MAGI3: variants seen among roughly 807,000 people sequenced by gnomAD.
MAGI3 encodes membrane associated guanylate kinase, WW and PDZ domain containing 3, also known as membrane-associated guanylate kinase, WW and PDZ domain-containing protein 3.
A neutral mutation model predicts 121.8 loss-of-function variants in MAGI3; 43 were observed. That is an observed-to-expected ratio of 0.35 (90% CI 0.28 to 0.46). MAGI3 has a LOEUF of 0.46. Ranked by LOEUF, MAGI3 falls within the 20% of genes least tolerant of loss-of-function variation. The pLI, the probability that MAGI3 is intolerant of heterozygous loss-of-function variation, is 1.00. For synonymous variants in MAGI3, 553 were observed against 639.3 expected, an observed-to-expected ratio of 0.86 and a Z score of 2.04; for missense variants, 1,547 against 1,797.3, an observed-to-expected ratio of 0.86 and a Z score of 2.52.
intron 1 of MAGI3, among the ~76,000 whole-genome samples, chr1:113,506,971 G>T (rs1028181714): frequency 2.6e-5 from 4 of 152,146 alleles, no homozygotes; most frequent in African/African-American, 9.7e-5. Context: ...ATGGGAGAGA[G>T]ATTCATAGTG....
At chr1:113,678,828 A>G (rs984065974) in intron 19 of MAGI3, among the ~76,000 whole-genome samples, 5 of 152,210 alleles carry the variant, frequency 3.3e-5, no homozygotes, top group African/African-American at 1.2e-4. Flanking sequence ...CGCCTGTGCC[A>G]TGCTGTATCT....
intron 16 of MAGI3, among the ~76,000 whole-genome samples, chr1:113,659,962 AGAATTATGAAGGG>A (rs1653692938): frequency 6.6e-6 from 1 of 152,222 alleles, no homozygotes; most frequent in South Asian, 2.1e-4. Context: ...AGCCAAAAAC[AGAATTATGAAGGG>A]TCAGTCTTTG....
chr1:113,509,797 G>GA (rs766673156), intron 1 of MAGI3, among the ~76,000 whole-genome samples: 3 of 140,112 alleles, frequency 2.1e-5, no homozygotes, highest in Non-Finnish European at 3.1e-5. Flanking sequence ...CTACCTAGGA[G>GA]AAGGAGGTGA....
At chr1:113,560,403 A>AC (rs1427741491) in intron 2 of MAGI3, among the ~76,000 whole-genome samples, 1 of 149,694 alleles carries the variant, frequency 6.7e-6, no homozygotes, top group African/African-American at 2.5e-5. Flanking sequence ...ACAAAAACAA[A>AC]CAAAAAAAAC....
At chr1:113,581,356 A>G (rs941491720) in intron 3 of MAGI3, among the ~76,000 whole-genome samples, 1 of 152,124 alleles carries the variant, frequency 6.6e-6, no homozygotes, top group African/African-American at 2.4e-5. Context: ...TCAGTGCCTA[A>G]AGATAGTGTT....
rs1444545046 is a variant in MAGI3 at position 113,426,671 on chromosome 1, G to A, written c.316+35322G>A. Among the ~76,000 whole-genome samples the A allele has an allele frequency of 2.6e-5, 4 of 152,136 alleles. No homozygotes were observed. The East Asian group carries it at 5.8e-4, about 22-fold the overall frequency. Reference sequence around the variant, plus strand: ...TTGTTTGTCTCTAATAATTTTCTTTGCTCTGAAATCTACTTTAGCAGATGT... The same window carrying A: ...TTGTTTGTCTCTAATAATTTTCTTTACTCTGAAATCTACTTTAGCAGATGT... On this transcript the variant is annotated intron_variant, in intron 1 of 20. Coordinates refer to ENST00000307546, the MANE Select transcript of MAGI3 (RefSeq NM_001142782.2).
At chr1:113,559,532 C>T (rs1465552727) in intron 2 of MAGI3, among the ~76,000 whole-genome samples, 7 of 152,078 alleles carry the variant, frequency 4.6e-5, no homozygotes, top group Non-Finnish European at 1.0e-4. Flanking sequence ...AATATATATG[C>T]TCCCGATACA....
intron 1 of MAGI3, among the ~76,000 whole-genome samples, chr1:113,538,822 A>G (rs17461918): frequency 0.12 from 17,679 of 152,164 alleles, 1,148 homozygotes; most frequent in East Asian, 0.18. Flanking sequence ...AATGATTGCA[A>G]TTTATCCTAG....
rs1647565651 is a variant in MAGI3, at chr1:113,671,778, C to T, written c.2860C>T (p.Pro954Ser). 6.2e-7 allele frequency: 1 copy of T among 1,614,106 alleles called. No individual in the cohort carries two copies. The change falls in exon 17 of 21, where the codon CCA (proline) becomes TCA (serine). Residue 954 changes from proline to serine, a missense_variant. Transcript: ENST00000307546. ...AGGAACAAACTCAGCCAGGCAAAGC[C>T]CAGCCCTGCAGCACAGGCCCATGGG... is the stretch of plus-strand genomic sequence containing the variant. ...PSGTNSARQS[P>S]ALQHRPMGQS... is the part of the protein sequence containing the mutation.
intron 1 of MAGI3, among the ~76,000 whole-genome samples, chr1:113,453,747 A>C (rs1654603046): frequency 6.6e-6 from 1 of 152,216 alleles, no homozygotes; most frequent in African/African-American, 2.4e-5. Context: ...TTTAGGGATA[A>C]TTAGCTATGA....
At chr1:113,581,671 A>G (rs911422096) in intron 3 of MAGI3, among the ~76,000 whole-genome samples, 10 of 152,148 alleles carry the variant, frequency 6.6e-5, no homozygotes, top group African/African-American at 2.4e-4. Context: ...CACCCTGCCC[A>G]TTGCTACCAT....
chr1:113,649,164 A>G (rs993050095), intron 12 of MAGI3, 73 bp from the exon 13 acceptor site: 3 of 1,181,062 alleles, frequency 2.5e-6, no homozygotes, highest in Non-Finnish European at 3.6e-6. Flanking sequence ...ATATCCTACT[A>G]AATACTGAAC....
rs753562983 is a variant in MAGI3 at position 113,391,359 on chromosome 1, C to T, written c.316+10C>T. 1 of 1,581,856 alleles carries T rather than the reference C, an allele frequency of 6.3e-7. No homozygotes were observed. The highest frequency in any genetic ancestry group is 2.4e-5 in the East Asian group (1 of 42,528). ...AAGACTGTGAAACCAGGTACGCCGG[C>T]CCTGCGTATCTGTCTCGGGGTGTTG... On this transcript the variant is annotated intron_variant, in intron 1 of 20. Transcript: ENST00000307546. The surrounding 1 kb of genome is among the most constrained non-coding windows in gnomAD (Gnocchi z 4.4).
chr1:113,583,505 C>A (rs1451876200), intron 3 of MAGI3, among the ~76,000 whole-genome samples: 1 of 151,990 alleles, frequency 6.6e-6, no homozygotes, highest in Non-Finnish European at 1.5e-5. Flanking sequence ...ACCAAGAATT[C>A]TCAGTAAGAT....
At position 113,684,630 on chromosome 1, in the gene MAGI3, C is replaced by G. The variant is rs938504658; in HGVS notation, c.*616C>G. The G allele has an allele frequency of 3.9e-5, 6 of 152,208 alleles. No individual in the cohort carries two copies. Among genetic ancestry groups the G allele is most frequent in the African/African-American group, 1.4e-4 (6 of 41,428 alleles). 9.4% of individuals were successfully genotyped at this position (152,208 alleles called of 1,614,324 possible). Reference sequence around the variant, plus strand: ...AAAAAAATGTAGTCCAATATTGATGCTTTCTTATGGCTTTTTATTTTAATT... The same window carrying G: ...AAAAAAATGTAGTCCAATATTGATGGTTTCTTATGGCTTTTTATTTTAATT... On this transcript the variant is annotated 3_prime_UTR_variant, in exon 21 of 21. Transcript: ENST00000307546.
At chr1:113,554,518 A>C (rs182965803) in intron 2 of MAGI3, among the ~76,000 whole-genome samples, 2 of 152,110 alleles carry the variant, frequency 1.3e-5, no homozygotes, top group African/African-American at 4.8e-5. Flanking sequence ...ATGAAGTACC[A>C]GTACCATAAC....
chr1:113,581,901 T>C (rs1557835011), intron 3 of MAGI3, among the ~76,000 whole-genome samples: 1 of 152,166 alleles, frequency 6.6e-6, no homozygotes, highest in Non-Finnish European at 1.5e-5. Flanking sequence ...CGGAATACTG[T>C]AATGAACAAG....
chr1:113,494,017 C>T (rs1474068273), intron 1 of MAGI3, among the ~76,000 whole-genome samples: 2 of 152,160 alleles, frequency 1.3e-5, no homozygotes, highest in Non-Finnish European at 2.9e-5. Context: ...AATTTCATGA[C>T]TGGGTATATA....
intron 1 of MAGI3, among the ~76,000 whole-genome samples, chr1:113,540,643 G>A (rs1323832350): frequency 1.3e-5 from 2 of 152,144 alleles, no homozygotes; most frequent in East Asian, 3.8e-4. Flanking sequence ...ACAGACTGGT[G>A]TAGTTGCCTC....
Sources: allele counts gnomAD v4.1 joint callset (sites outside exome capture counted in the v4.1 genomes callset), GRCh38; gene constraint gnomAD v4.1.1; non-coding constraint Gnocchi (gnomAD v3.1); transcripts MANE v1.5; gene names NCBI Gene and HGNC (gene_info 2026-07-23, HGNC 2026-07-21).